Variants in MYRF observed in about 807,000 individuals in gnomAD.
The protein encoded by MYRF is myelin gene regulatory factor.
A neutral mutation model predicts 126.3 loss-of-function variants in MYRF; 16 were observed. The ratio of observed to expected loss-of-function variants is 0.13; its 90% CI spans 0.09 to 0.19. The LOEUF is 0.19. Among genes scored for constraint, MYRF ranks in the 10% least tolerant of loss-of-function variants. The pLI, the probability that MYRF is intolerant of heterozygous loss-of-function variation, is 1.00. For synonymous variants in MYRF, 608 were observed against 635.3 expected, an observed-to-expected ratio of 0.96 and a Z score of 0.65; for missense variants, 1,104 against 1,547.0, an observed-to-expected ratio of 0.71 and a Z score of 4.80.
intron 8 of MYRF, 118 bp from the exon 9 acceptor site, chr11:61,775,938 G>A (rs2066369483): frequency 5.5e-6 from 5 of 906,466 alleles, no homozygotes; most frequent in Non-Finnish European, 8.9e-6. Flanking sequence ...CTGAGGGCTG[G>A]GTGCTGCCCT....
chr11:61,785,486 T>TG (rs1027123790), intron 25 of MYRF: 3 of 385,504 alleles, frequency 7.8e-6, no homozygotes, highest in Admixed American at 7.8e-5. Context: ...GTACTGAGGA[T>TG]GGGGCTAATG....
chr11:61,764,367 T>C (rs975783249), intron 1 of MYRF, among the ~76,000 whole-genome samples: 1 of 152,166 alleles, frequency 6.6e-6, no homozygotes, highest in African/African-American at 2.4e-5. Flanking sequence ...ACACCTCATC[T>C]CGTTTCATAC....
chr11:61,752,896 G>C, intron 1 of MYRF, 106 bp downstream of exon 1: 1 of 1,148,806 alleles, frequency 8.7e-7, no homozygotes, highest in Non-Finnish European at 1.2e-6. Flanking sequence ...CCTCTGGCTG[G>C]GACCCTCCTT....
In MYRF at chr11:61,783,618, C is replaced by T; in HGVS notation, c.3119+18C>T. ...GCCTGCAGGTGGGCTGGGCTCCCTC[C>T]CCTCACCCAGGGAGGTCCTCAGGTG... On this transcript the variant is annotated intron_variant, in intron 23 of 26. Coordinates refer to ENST00000278836, the MANE Select transcript of MYRF (RefSeq NM_001127392.3). The surrounding 1 kb of genome is among the most constrained non-coding windows in gnomAD (Gnocchi z 4.6). 1 of 1,605,712 alleles carries T rather than the reference C, an allele frequency of 6.2e-7. No homozygotes were observed. Among genetic ancestry groups the T allele is most frequent in the South Asian group, 1.1e-5 (1 of 90,796 alleles).
Position 61,777,693 on chromosome 11 carries a change from G to T in MYRF, c.1792-41G>T. 1 of 1,528,348 alleles carries T rather than the reference G, an allele frequency of 6.5e-7. No homozygotes were observed. Among genetic ancestry groups the T allele is most frequent in the Non-Finnish European group, 8.9e-7 (1 of 1,128,114 alleles). The allele number at this position is 1,528,348 out of a possible 1,614,324, so 94.7% of individuals were successfully genotyped here. A position where few individuals can be genotyped will look rare whatever the true frequency, so the allele number is the denominator to read the frequency against. On this transcript the variant is annotated intron_variant, in intron 12 of 26. Transcript: ENST00000278836. This position sits in a 1 kb window ranked among gnomAD's most constrained non-coding sequence, Gnocchi z 8.8. ...TGGGCTCCGGGGCCTGCTCCGGGAC[G>T]GCCGCAGGAGGGGTTCATTCCCGGG...
At chr11:61,768,710 G>C (rs1027384287) in intron 3 of MYRF, 2 of 152,364 alleles carry the variant, frequency 1.3e-5, no homozygotes, top group African/African-American at 4.8e-5. Flanking sequence ...CAGGGTTCAC[G>C]CAGGACGTGT....
intron 1 of MYRF, among the ~76,000 whole-genome samples, chr11:61,756,211 C>T (rs568795966): frequency 3.9e-5 from 6 of 152,220 alleles, no homozygotes; most frequent in Admixed American, 3.3e-4. Flanking sequence ...AGGGGAATGG[C>T]GCTGGCTGAG....
intron 22 of MYRF, 27 bp downstream of exon 22, chr11:61,781,851 C>A: frequency 6.6e-7 from 1 of 1,510,200 alleles, no homozygotes. Context: ...TGACACTACC[C>A]AGCCCAGCCT....
At chr11:61,766,391 GA>G in intron 3 of MYRF, 170 bp downstream of exon 3, 2 of 673,840 alleles carry the variant, frequency 3.0e-6, no homozygotes, top group Non-Finnish European at 4.7e-6. Context: ...GTCAAGGGGG[GA>G]CTCCTGGGCT....
rs2286008 is a variant in MYRF, at chr11:61,755,487, G to A, written c.46+2697G>A. 2.5e-6 allele frequency: 4 copies of A among 1,599,992 alleles called. No homozygotes were observed. The Admixed American group carries it at 5.2e-5, about 21-fold the overall frequency. On this transcript the variant is annotated intron_variant, in intron 1 of 26. Coordinates refer to ENST00000278836, the MANE Select transcript of MYRF (RefSeq NM_001127392.3). ...AGGGGGCTTTGGACTCCAGAGCCAGGGCAGGCACGGGACAGGGCAGTGTCT... is the reference window on the plus strand; with the variant it reads ...AGGGGGCTTTGGACTCCAGAGCCAGAGCAGGCACGGGACAGGGCAGTGTCT...
At chr11:61,784,458 A>C in intron 25 of MYRF, 73 bp downstream of exon 25, 16 of 1,194,384 alleles carry the variant, frequency 1.3e-5, no homozygotes, top group Non-Finnish European at 1.9e-5. Flanking sequence ...GGGCCCCAAA[A>C]TGGGCAAGGA....
rs1319873793 is a variant in MYRF at position 61,752,661 on chromosome 11, C to T, written c.-84C>T. On this transcript the variant is annotated 5_prime_UTR_variant, in exon 1 of 27. Coordinates refer to ENST00000278836, the MANE Select transcript of MYRF (RefSeq NM_001127392.3). ...GTAGCCGGAGCCCAGCCGGGACTGT[C>T]GCGCGGGCCGCGCCGGCGATGCCGC... is the stretch of plus-strand genomic sequence containing the variant. The T allele has an allele frequency of 9.0e-7, 1 of 1,106,444 alleles. No individual in the cohort carries two copies. Among genetic ancestry groups the T allele is most frequent in the Non-Finnish European group, 1.1e-6 (1 of 877,108 alleles). The allele number at this position is 1,106,444 out of a possible 1,614,324, so 68.5% of individuals were successfully genotyped here.
Position 61,787,271 on chromosome 11 carries a change from A to C in MYRF, c.*1128A>C, listed in dbSNP as rs1333704037. 1 of 152,178 alleles carries C rather than the reference A, an allele frequency of 6.6e-6. No individual in the cohort carries two copies. Among genetic ancestry groups the C allele is most frequent in the Non-Finnish European group, 1.5e-5 (1 of 68,016 alleles). 9.4% of individuals were successfully genotyped at this position (152,178 alleles called of 1,614,324 possible). On this transcript the variant is annotated 3_prime_UTR_variant, in exon 27 of 27. Transcript: ENST00000278836. ...TGATCCCTCCCAGGGAGCCTCCGAC[A>C]CCCATCCCACTCCCAACCACCAAGA... is the stretch of plus-strand genomic sequence containing the variant.
intron 1 of MYRF, among the ~76,000 whole-genome samples, chr11:61,760,189 G>A (rs190127401): frequency 5.3e-5 from 8 of 152,216 alleles, no homozygotes; most frequent in Admixed American, 2.0e-4. Flanking sequence ...AGCTGGTCTC[G>A]AACTCCTGAC....
chr11:61,770,345 G>GGGCCCC lies in MYRF; in HGVS notation c.560_561insGGCCCC (p.Gly187_Pro188insAlaPro). Reference sequence around the variant, plus strand: ...CCCCCACCTCCAGCCCACTTGCCAGGCCCCCCGCCACCCCCACCACCCCCA... The same window carrying GGGCCCC: ...CCCCCACCTCCAGCCCACTTGCCAGGGGCCCCCCCCCCGCCACCCCCACCACCCCCA... On this transcript the variant is annotated inframe_insertion, in exon 5 of 27. Coordinates refer to ENST00000278836, the MANE Select transcript of MYRF (RefSeq NM_001127392.3). 1.3e-5 allele frequency: 20 copies of GGGCCCC among 1,504,698 alleles called. No homozygotes were observed. The highest frequency in any genetic ancestry group is 1.6e-5 in the Non-Finnish European group (18 of 1,109,366). The allele number at this position is 1,504,698 out of a possible 1,614,324, so 93.2% of individuals were successfully genotyped here.
At chr11:61,773,803 G>A (rs530904228) in intron 7 of MYRF, among the ~76,000 whole-genome samples, 164 bp from the exon 8 acceptor site, 5 of 152,280 alleles carry the variant, frequency 3.3e-5, no homozygotes, top group East Asian at 1.9e-4. Flanking sequence ...AATCCTCTCC[G>A]GGACTCAGTT....
chr11:61,770,683 A>G (rs530096594), intron 5 of MYRF, among the ~76,000 whole-genome samples, 158 bp downstream of exon 5: 21 of 152,212 alleles, frequency 1.4e-4, no homozygotes, highest in Admixed American at 3.9e-4. Context: ...ATATTTATAC[A>G]TGTTTACCCA....
chr11:61,769,527 G>A (rs528960025), intron 4 of MYRF, among the ~76,000 whole-genome samples: 4 of 152,286 alleles, frequency 2.6e-5, no homozygotes, highest in African/African-American at 4.8e-5. Context: ...AAGTATCCCC[G>A]CGGTGATGCC....
chr11:61,755,618 A>G, intron 1 of MYRF: 1 of 807,118 alleles, frequency 1.2e-6, no homozygotes, highest in Non-Finnish European at 2.1e-6. Flanking sequence ...TGCCCTCTTT[A>G]AGTCCTTTTT....
Sources: gnomAD v4.1 joint callset for allele counts (sites outside exome capture counted in the v4.1 genomes callset) on GRCh38, gnomAD v4.1.1 for gene constraint, Gnocchi (gnomAD v3.1) non-coding constraint, MANE v1.5 for transcripts, NCBI Gene and HGNC (gene_info 2026-07-23, HGNC 2026-07-21) for gene names.